ITGA1: variants seen among roughly 807,000 people sequenced by gnomAD.
ITGA1 encodes the protein integrin alpha-1.
Under a neutral mutation model 145.9 loss-of-function variants are expected in ITGA1, and 85 were observed. That is an observed-to-expected ratio of 0.58 (90% CI 0.49 to 0.70). The LOEUF is 0.70. ITGA1 is among the 30% of genes least tolerant of loss of function. The pLI, the probability that ITGA1 is intolerant of heterozygous loss-of-function variation, is 0.00. For synonymous variants in ITGA1, 520 were observed against 495.3 expected (o/e 1.05, Z -0.66); for missense variants, 1,351 against 1,418.7 (o/e 0.95, Z 0.77).
At chr5:52,844,998 G>A (rs1469475115) in intron 1 of ITGA1, among the ~76,000 whole-genome samples, 2 of 152,058 alleles carry the variant, frequency 1.3e-5, no homozygotes, top group Non-Finnish European at 2.9e-5. Context: ...AGGCTCTTCG[G>A]TGCCTCAGAA....
intron 18 of ITGA1, among the ~76,000 whole-genome samples, chr5:52,923,137 G>A (rs1750754686): frequency 6.6e-6 from 1 of 152,196 alleles, no homozygotes; most frequent in Admixed American, 6.5e-5. Context: ...GGGCAGGGAG[G>A]TATATGTAAG....
At chr5:52,800,623 C>T in intron 1 of ITGA1, 2 of 1,613,944 alleles carry the variant, frequency 1.2e-6, no homozygotes, top group Non-Finnish European at 1.7e-6. Flanking sequence ...CTTCGACTCT[C>T]AAGCCTGCCA....
intron 1 of ITGA1, chr5:52,800,488 C>T: frequency 6.2e-7 from 1 of 1,614,110 alleles, no homozygotes; most frequent in East Asian, 2.2e-5. Flanking sequence ...CACTTACAAC[C>T]TCGTGCAGGT....
Position 52,952,445 on chromosome 5 carries a change from G to C in ITGA1, c.3534G>C (p.Glu1178Asp). Residue 1178 changes from glutamate to aspartate, a missense_variant, in exon 29 of 29, where the codon GAG becomes GAC. Physicochemically the swap from Glu to Asp is conservative, Grantham distance 45. Coordinates refer to ENST00000282588, the MANE Select transcript of ITGA1 (RefSeq NM_181501.2). The stretch of plus-strand genomic sequence containing the variant: ...AAAGACCACTGAAAAAGAAAATGGA[G>C]AAATGAAATATTTTATGAAAGAAAA... Reference protein sequence around the residue: ...FFKRPLKKKMEK With the variant: ...FFKRPLKKKMDK 1 of 1,385,904 alleles carries C rather than the reference G, an allele frequency of 7.2e-7. No individual in the cohort carries two copies. The highest frequency in any genetic ancestry group is 9.9e-7 in the Non-Finnish European group (1 of 1,008,424). 85.9% of individuals were successfully genotyped at this position (1,385,904 alleles called of 1,614,324 possible).
In ITGA1 at chr5:52,885,197, C is replaced by G. The variant is rs113645730; in HGVS notation, c.774-2618C>G. On this transcript the variant is annotated intron_variant, in intron 7 of 28. Transcript: ENST00000282588. ...TCAGCAACCTGGAAACTTTCTGAACCCCGTAGTTCAGAAAGTTTTACAGAG... is the reference window on the plus strand; with the variant it reads ...TCAGCAACCTGGAAACTTTCTGAACGCCGTAGTTCAGAAAGTTTTACAGAG... Among the ~76,000 whole-genome samples, 6 of 152,032 alleles carry G rather than the reference C, an allele frequency of 3.9e-5. 1 individual carries two copies. Among genetic ancestry groups the G allele is most frequent in the African/African-American group, 1.4e-4 (6 of 41,458 alleles).
chr5:52,822,305 T>C (rs747345264), intron 1 of ITGA1, among the ~76,000 whole-genome samples: 1 of 152,176 alleles, frequency 6.6e-6, no homozygotes, highest in Non-Finnish European at 1.5e-5. Context: ...CTGGCTATAA[T>C]TAGTTACTCT....
At chr5:52,811,172 A>T (rs1051228102) in intron 1 of ITGA1, among the ~76,000 whole-genome samples, 2 of 152,226 alleles carry the variant, frequency 1.3e-5, no homozygotes, top group African/African-American at 4.8e-5. Context: ...CAAGTATGAT[A>T]CAAGGAAGAA....
chr5:52,818,658 A>G (rs896481395), intron 1 of ITGA1, among the ~76,000 whole-genome samples: 4 of 152,350 alleles, frequency 2.6e-5, no homozygotes, highest in Non-Finnish European at 5.9e-5. Context: ...AGACCATTAG[A>G]GAATTTAAAT....
Position 52,874,495 on chromosome 5 carries a change from G to A in ITGA1, c.625-7378G>A, listed in dbSNP as rs551671248. 5.3e-5 allele frequency among the ~76,000 whole-genome samples: 8 copies of A among 152,182 alleles called. No individual in the cohort carries two copies. In the South Asian group the frequency reaches 1.7e-3, roughly 32 times the overall value. Reference sequence around the variant, plus strand: ...AACACTCTTATCATTTAAGATAGTTGTTAAAATCTTAAACATGACTTTCAG... The same window carrying A: ...AACACTCTTATCATTTAAGATAGTTATTAAAATCTTAAACATGACTTTCAG... On this transcript the variant is annotated intron_variant, in intron 6 of 28. Coordinates refer to ENST00000282588, the MANE Select transcript of ITGA1 (RefSeq NM_181501.2).
intron 14 of ITGA1, among the ~76,000 whole-genome samples, chr5:52,912,863 T>C (rs1388323264): frequency 3.3e-5 from 5 of 151,592 alleles, no homozygotes; most frequent in African/African-American, 1.2e-4. Context: ...TCTCCTGCTT[T>C]AGTCTCCCGA....
At chr5:52,879,936 A>G (rs1749929255) in intron 6 of ITGA1, among the ~76,000 whole-genome samples, 1 of 152,236 alleles carries the variant, frequency 6.6e-6, no homozygotes, top group Non-Finnish European at 1.5e-5. Context: ...AAGCAACTTT[A>G]GGAGAGAATT....
chr5:52,812,575 A>G (rs1013482240), intron 1 of ITGA1, among the ~76,000 whole-genome samples: 2 of 152,148 alleles, frequency 1.3e-5, no homozygotes, highest in South Asian at 2.1e-4. Flanking sequence ...TGGACTAGAA[A>G]ATCTTGGATC....
chr5:52,915,442 T>C (rs755920543), intron 14 of ITGA1, 22 bp from the exon 15 acceptor site: 94 of 1,610,074 alleles, frequency 5.8e-5, no homozygotes, highest in Non-Finnish European at 7.3e-5. Flanking sequence ...CATATGAAAC[T>C]CTTTTTTTTG....
chr5:52,845,140 C>G (rs912823474), intron 1 of ITGA1, among the ~76,000 whole-genome samples: 2 of 151,960 alleles, frequency 1.3e-5, no homozygotes, highest in Non-Finnish European at 2.9e-5. Context: ...ATAAACAGCC[C>G]CAAAAAGGAA....
chr5:52,939,029 A>G (rs1001008680), intron 24 of ITGA1, among the ~76,000 whole-genome samples: 30 of 152,072 alleles, frequency 2.0e-4, no homozygotes, highest in African/African-American at 7.0e-4. Context: ...CAGACTCCCA[A>G]GTAGCTGGGA....
At chr5:52,840,364 G>A (rs1749232977) in intron 1 of ITGA1, among the ~76,000 whole-genome samples, 1 of 152,184 alleles carries the variant, frequency 6.6e-6, no homozygotes, top group South Asian at 2.1e-4. Context: ...AAATTAATGA[G>A]TTCAGCGTTC....
chr5:52,912,740 G>A (rs2456217), intron 14 of ITGA1, among the ~76,000 whole-genome samples: 84,278 of 125,428 alleles, frequency 0.67, 27,741 homozygotes, highest in African/African-American at 0.81. Context: ...GTGTGTGTGT[G>A]TATATATATA....
At chr5:52,846,085 T>C (rs1465360442) in intron 1 of ITGA1, among the ~76,000 whole-genome samples, 1 of 152,090 alleles carries the variant, frequency 6.6e-6, no homozygotes, top group Admixed American at 6.6e-5. Context: ...GTGGTTACTA[T>C]ACTGTATACT....
rs541293136 is a variant in ITGA1, at chr5:52,910,066, T to A, written c.1600-96T>A. On this transcript the variant is annotated intron_variant, in intron 13 of 28. Transcript: ENST00000282588. ...ACCAACTTTACCACTAATGTACAAATGGCTGTTAATAGCACTGATTTAGTA... is the reference window on the plus strand; with the variant it reads ...ACCAACTTTACCACTAATGTACAAAAGGCTGTTAATAGCACTGATTTAGTA... 35 of 1,167,400 alleles carry A rather than the reference T, an allele frequency of 3.0e-5. No homozygotes were observed. In the African/African-American group the frequency reaches 5.1e-4, roughly 17 times the overall value. 72.3% of individuals were successfully genotyped at this position (1,167,400 alleles called of 1,614,324 possible).
Sources: gnomAD v4.1 joint callset for allele counts (sites outside exome capture counted in the v4.1 genomes callset) on GRCh38, gnomAD v4.1.1 for gene constraint, MANE v1.5 for transcripts, NCBI Gene and HGNC (gene_info 2026-07-23, HGNC 2026-07-21) for gene names.